BIN2: variants seen among roughly 807,000 people sequenced by gnomAD.
BIN2 encodes the protein breast cancer associated protein BRAP1.
A neutral mutation model predicts 67.9 loss-of-function variants in BIN2; 43 were observed. The observed-to-expected ratio is 0.63, with a 90% CI of 0.50 to 0.82. The LOEUF is 0.82. Ranked by LOEUF, BIN2 falls within the 40% of genes least tolerant of loss-of-function variation. BIN2 has a pLI of 0.00. For synonymous variants in BIN2, 244 were observed against 246.8 expected (o/e 0.99, Z 0.11); for missense variants, 581 against 671.6 (o/e 0.87, Z 1.49).
chr12:51,303,833 C>A (rs551677300), intron 2 of BIN2, among the ~76,000 whole-genome samples: 1 of 152,308 alleles, frequency 6.6e-6, no homozygotes, highest in East Asian at 1.9e-4. Context: ...GGTAGATGAA[C>A]TGCTTTTGTT....
rs370919677 is a variant in BIN2 at position 51,303,153 on chromosome 12, A to G, written c.163-12T>C. The G allele has an allele frequency of 2.5e-6, 4 of 1,613,424 alleles. No homozygotes were observed. In the African/African-American group the frequency reaches 5.3e-5, roughly 22 times the overall value. On this transcript the variant is annotated splice_polypyrimidine_tract_variant and intron_variant, in intron 2 of 12. Coordinates refer to ENST00000615107, the MANE Select transcript of BIN2 (RefSeq NM_016293.4). ...TTGTGGCCTTCTGCCTGAAAGAGAA[A>G]AGTACATTTGGTGACTAAAGAGATT...
chr12:51,281,901 C>A (rs1945127760), intron 12 of BIN2, among the ~76,000 whole-genome samples: 1 of 151,986 alleles, frequency 6.6e-6, no homozygotes, highest in Non-Finnish European at 1.5e-5. Flanking sequence ...CAGGCGCACA[C>A]AACCATGCCT....
chr12:51,306,309 G>A (rs190804644), intron 2 of BIN2, among the ~76,000 whole-genome samples: 27 of 152,298 alleles, frequency 1.8e-4, no homozygotes, highest in Admixed American at 1.6e-3. Context: ...AGCAAATGAG[G>A]ATTAAGAGAA....
Position 51,302,131 on chromosome 12 carries a change from A to G in BIN2, c.313-16T>C. ...GATCATTATTCTGTAGGATAGAGTC[A>G]GAGGCTGGTGAAGGCTCCACTTCCC... On this transcript the variant is annotated splice_polypyrimidine_tract_variant and intron_variant, in intron 4 of 12. Coordinates refer to ENST00000615107, the MANE Select transcript of BIN2 (RefSeq NM_016293.4). 6.3e-7 allele frequency: 1 copy of G among 1,587,988 alleles called. No homozygotes were observed. The highest frequency in any genetic ancestry group is 8.6e-7 in the Non-Finnish European group (1 of 1,157,254).
chr12:51,307,907 GC>G (rs780926648), intron 2 of BIN2, among the ~76,000 whole-genome samples: 12 of 152,046 alleles, frequency 7.9e-5, no homozygotes, highest in Non-Finnish European at 1.6e-4. Context: ...GCTCACAAAA[GC>G]CCCGCTCCAT....
rs79618010 is a variant in BIN2 at position 51,309,828 on chromosome 12, T to C, written c.162+3995A>G. Among the ~76,000 whole-genome samples, 59 of 152,348 alleles carry C rather than the reference T, an allele frequency of 3.9e-4. 3 individuals carry two copies. The East Asian group carries it at 0.011, about 29-fold the overall frequency. ...CTTCCTGATGGCGCTTCTTCTTCTC[T>C]TACCTTTTCTACCTACACATCTGCT... On this transcript the variant is annotated intron_variant, in intron 2 of 12. Coordinates refer to ENST00000615107, the MANE Select transcript of BIN2 (RefSeq NM_016293.4).
rs1294070066 is a variant in BIN2, at chr12:51,299,282, C to T, written c.523G>A (p.Glu175Lys). ...ACAGTCTGGGCTTTGTTGAACTCTT[C>T]CTCTGCCTAGGTGGTAAAAGAGACA... is the stretch of plus-strand genomic sequence containing the variant. ...KDEAKTAKAE[E>K]EFNKAQTVFE... Residue 175 changes from glutamate (E) to lysine (K), a missense_variant, in exon 7 of 13, where the codon GAA becomes AAA. Transcript: ENST00000615107. The T allele has an allele frequency of 1.2e-6, 2 of 1,613,294 alleles. No homozygotes were observed. Among genetic ancestry groups the T allele is most frequent in the African/African-American group, 2.7e-5 (2 of 74,878 alleles).
At chr12:51,315,498 T>C (rs7306746) in intron 1 of BIN2, among the ~76,000 whole-genome samples, 32,008 of 152,150 alleles carry the variant, frequency 0.21, 4,041 homozygotes, top group Middle Eastern at 0.32. Context: ...AGTGGGTTTT[T>C]GAGAAGGAAG....
intron 4 of BIN2, 37 bp from the exon 5 acceptor site, chr12:51,302,152 T>C (rs1335918993): frequency 8.8e-6 from 13 of 1,480,886 alleles, no homozygotes; most frequent in Non-Finnish European, 9.4e-6. Context: ...AAGGCTCCAC[T>C]TCCCAACAAC....
chr12:51,296,491 C>A, intron 8 of BIN2, among the ~76,000 whole-genome samples: 1 of 148,424 alleles, frequency 6.7e-6, no homozygotes, highest in South Asian at 2.2e-4. Flanking sequence ...AGCAAGACTC[C>A]GTCTCAAAAA....
At chr12:51,314,754 G>T (rs900487586) in intron 1 of BIN2, among the ~76,000 whole-genome samples, 1 of 150,620 alleles carries the variant, frequency 6.6e-6, no homozygotes, top group Non-Finnish European at 1.5e-5. Context: ...AGGCAAGATC[G>T]CACCATTGTA....
intron 2 of BIN2, among the ~76,000 whole-genome samples, chr12:51,311,002 G>GCA (rs2137423579): frequency 6.6e-6 from 1 of 151,774 alleles, no homozygotes; most frequent in South Asian, 2.1e-4. Context: ...CAGCACTTTG[G>GCA]GCTGCCAAAG....
chr12:51,307,262 G>A (rs1419712509), intron 2 of BIN2, among the ~76,000 whole-genome samples: 8 of 139,324 alleles, frequency 5.7e-5, no homozygotes, highest in Admixed American at 7.7e-5. Flanking sequence ...TAGCCTGGGC[G>A]ACAGAGTGAG....
chr12:51,323,549 AT>A (rs1164382838), intron 1 of BIN2, among the ~76,000 whole-genome samples: 2 of 152,130 alleles, frequency 1.3e-5, no homozygotes, highest in Non-Finnish European at 2.9e-5. Context: ...ACTATGCAGG[AT>A]TATTCTAAGC....
intron 2 of BIN2, among the ~76,000 whole-genome samples, chr12:51,310,317 A>G (rs1190150248): frequency 6.6e-6 from 1 of 152,228 alleles, no homozygotes; most frequent in Non-Finnish European, 1.5e-5. Flanking sequence ...TCATTAACAA[A>G]TAAGCTACAA....
chr12:51,321,701 T>C (rs1417658790), intron 1 of BIN2, among the ~76,000 whole-genome samples: 1 of 152,240 alleles, frequency 6.6e-6, no homozygotes, highest in Non-Finnish European at 1.5e-5. Context: ...ACCCCGCTGA[T>C]AATCACTTTC....
intron 9 of BIN2, among the ~76,000 whole-genome samples, chr12:51,294,730 T>C (rs569563281): frequency 1.4e-5 from 1 of 73,584 alleles, no homozygotes; most frequent in East Asian, 3.5e-4. Flanking sequence ...CATGCACACA[T>C]AAAACAACAC....
At chr12:51,307,947 T>A (rs1339827268) in intron 2 of BIN2, among the ~76,000 whole-genome samples, 3 of 152,176 alleles carry the variant, frequency 2.0e-5, no homozygotes, top group Non-Finnish European at 4.4e-5. Flanking sequence ...AGCCTTTTAG[T>A]TACAAAGTTC....
At chr12:51,286,270 G>T (rs1945233770) in intron 11 of BIN2, among the ~76,000 whole-genome samples, 1 of 152,172 alleles carries the variant, frequency 6.6e-6, no homozygotes, top group Non-Finnish European at 1.5e-5. Flanking sequence ...TCAGAGGATT[G>T]ATGACACGAA....
Sources: gnomAD v4.1 joint callset for allele counts (sites outside exome capture counted in the v4.1 genomes callset) on GRCh38, gnomAD v4.1.1 for gene constraint, MANE v1.5 for transcripts, NCBI Gene and HGNC (gene_info 2026-07-23, HGNC 2026-07-21) for gene names.